KYAT3: variants seen among roughly 807,000 people sequenced by gnomAD.
KYAT3 encodes kynurenine aminotransferase 3, also known as kynurenine--oxoglutarate transaminase 3.
In KYAT3, 50 loss-of-function variants were observed where a neutral mutation model predicts 59.0. The ratio of observed to expected loss-of-function variants is 0.85; its 90% confidence interval spans 0.68 to 1.07. The LOEUF (loss-of-function observed/expected upper bound fraction) is 1.07. Ranked by LOEUF, KYAT3 falls within the 50% of genes least tolerant of loss-of-function variation. KYAT3 has a pLI of 0.00. For missense variants in KYAT3, 497 were observed against 533.3 expected, an observed-to-expected ratio of 0.93 and a Z score of 0.67; for synonymous variants, 148 against 177.0, an observed-to-expected ratio of 0.84 and a Z score of 1.30.
chr1:88,965,452 G>A (rs549446103), intron 4 of KYAT3, among the ~76,000 whole-genome samples: 4 of 152,102 alleles, frequency 2.6e-5, no homozygotes, highest in African/African-American at 9.7e-5. Flanking sequence ...CCAACGACAC[G>A]AACACTAGTG....
intron 2 of KYAT3, among the ~76,000 whole-genome samples, chr1:88,970,468 T>C (rs531179103): frequency 6.6e-6 from 1 of 152,312 alleles, no homozygotes; most frequent in South Asian, 2.1e-4. Context: ...ACTCAGGATC[T>C]GAACCCAGAC....
At chr1:88,951,241 T>C (rs1327207795) in intron 10 of KYAT3, among the ~76,000 whole-genome samples, 1 of 148,142 alleles carries the variant, frequency 6.8e-6, no homozygotes, top group East Asian at 2.0e-4. Context: ...TTTCTTTTCT[T>C]TTTTTTTTTT....
rs778270225 is a variant in KYAT3 at position 88,962,046 on chromosome 1, C to A, written c.540+13G>T. On this transcript the variant is annotated intron_variant, in intron 6 of 13. Transcript: ENST00000260508. ...TTGAAACTTTGCCATATGAACCATA[C>A]TGGCAAACTTACAGATCTCAGGGGA... The A allele has an allele frequency of 1.3e-6, 2 of 1,597,650 alleles. No individual in the cohort carries two copies. The highest frequency in any genetic ancestry group is 1.7e-5 in the Admixed American group (1 of 59,988).
At chr1:88,991,142 A>G (rs1259601354) in intron 1 of KYAT3, among the ~76,000 whole-genome samples, 3 of 152,218 alleles carry the variant, frequency 2.0e-5, no homozygotes, top group Non-Finnish European at 4.4e-5. Context: ...TTTAAAATGA[A>G]GATTCAGAAA....
At chr1:88,975,586 A>G (rs924510423) in intron 2 of KYAT3, among the ~76,000 whole-genome samples, 8 of 152,400 alleles carry the variant, frequency 5.2e-5, no homozygotes, top group Admixed American at 3.9e-4. Context: ...AATATCCTCA[A>G]TATTATAGTC....
chr1:88,986,756 C>T (rs1677480723), intron 2 of KYAT3, among the ~76,000 whole-genome samples: 1 of 152,118 alleles, frequency 6.6e-6, no homozygotes. Flanking sequence ...AACGAATATT[C>T]TAAGTAAGTT....
At chr1:88,922,827 C>A in the KYAT3 span, among the ~76,000 whole-genome samples, 3 of 152,182 alleles carry the variant, frequency 2.0e-5, no homozygotes, top group Non-Finnish European at 4.4e-5. Context: ...ATTTAGCAAA[C>A]CTAATCCCAT....
At position 88,949,248 on chromosome 1, in the gene KYAT3, G is replaced by A. The variant is rs201306819; in HGVS notation, c.984C>T (p.Asp328=). 4 of 1,573,152 alleles carry A rather than the reference G, an allele frequency of 2.5e-6. No individual in the cohort carries two copies. In the East Asian group the frequency reaches 9.3e-5, roughly 36 times the overall value. ...QEALAQAFWI[D]IKRMDDPECY... is the part of the protein sequence containing the mutation. ...ATTCTGGGTCATCCATGCGCTTGAT[G>A]TCAATCCAGAAAGCTTGAGCCAAGG... is the stretch of plus-strand genomic sequence containing the variant. The change falls in exon 11 of 14, where the codon GAC becomes GAT. Residue 328 remains aspartate, a synonymous_variant. Transcript: ENST00000260508.
chr1:88,971,165 A>G (rs1250081578), intron 2 of KYAT3, among the ~76,000 whole-genome samples: 1 of 152,230 alleles, frequency 6.6e-6, no homozygotes, highest in Admixed American at 6.5e-5. Context: ...CCACAAACAC[A>G]AAGGATGATT....
chr1:88,926,586 G>A, the KYAT3 span, among the ~76,000 whole-genome samples: 3 of 152,220 alleles, frequency 2.0e-5, no homozygotes, highest in Non-Finnish European at 4.4e-5. Flanking sequence ...AAAGTGCTAG[G>A]ATTACAGATG....
At chr1:88,987,385 C>A (rs1354871976) in intron 2 of KYAT3, among the ~76,000 whole-genome samples, 2 of 152,044 alleles carry the variant, frequency 1.3e-5, no homozygotes, top group Non-Finnish European at 2.9e-5. Flanking sequence ...AGGTAGAATT[C>A]ATAAGATTTA....
At chr1:88,925,066 T>A in the KYAT3 span, among the ~76,000 whole-genome samples, 1 of 152,088 alleles carries the variant, frequency 6.6e-6, no homozygotes, top group Non-Finnish European at 1.5e-5. Flanking sequence ...AAGCGGTGAG[T>A]AATATTAGAC....
Position 88,943,429 on chromosome 1 carries a change from A to G in KYAT3, c.1142-6T>C. The stretch of plus-strand genomic sequence containing the variant: ...CATATCAGAGAGGTCTGGATCTAAA[A>G]CCACAATGAAAATTAGGTGGCCTAT... On this transcript the variant is annotated splice_polypyrimidine_tract_variant and splice_region_variant and intron_variant, in intron 11 of 13. Transcript: ENST00000260508. The G allele has an allele frequency of 6.6e-7, 1 of 1,512,878 alleles. No homozygotes were observed. Among genetic ancestry groups the G allele is most frequent in the Non-Finnish European group, 9.0e-7 (1 of 1,114,648 alleles). 93.7% of individuals were successfully genotyped at this position (1,512,878 alleles called of 1,614,324 possible). A position where few individuals can be genotyped will look rare whatever the true frequency, so the allele number is the denominator to read the frequency against.
At chr1:88,977,876 A>C (rs755555987) in intron 2 of KYAT3, among the ~76,000 whole-genome samples, 5 of 152,146 alleles carry the variant, frequency 3.3e-5, no homozygotes, top group Non-Finnish European at 7.3e-5. Context: ...ATTATGTTAC[A>C]GTTGCCTGTA....
intron 13 of KYAT3, among the ~76,000 whole-genome samples, chr1:88,938,736 A>G (rs1675127970): frequency 1.3e-5 from 2 of 152,242 alleles, no homozygotes; most frequent in Admixed American, 1.3e-4. Context: ...TTATGGCTGC[A>G]TAGTAGTCCA....
At chr1:88,969,791 C>T (rs1676482843) in intron 2 of KYAT3, among the ~76,000 whole-genome samples, 1 of 152,044 alleles carries the variant, frequency 6.6e-6, no homozygotes, top group African/African-American at 2.4e-5. Context: ...ATAGGCATAT[C>T]CTACTGTGCC....
intron 11 of KYAT3, 39 bp from the exon 12 acceptor site, chr1:88,943,462 A>G: frequency 1.0e-6 from 1 of 969,812 alleles, no homozygotes. Flanking sequence ...TATGAATTTC[A>G]TCTGATGCAA....
At chr1:88,980,417 A>C (rs1287287394) in intron 2 of KYAT3, 4 of 147,326 alleles carry the variant, frequency 2.7e-5, no homozygotes, top group Non-Finnish European at 5.9e-5. Context: ...TATCTCATAG[A>C]TTTTGGATTT....
chr1:88,984,015 G>T (rs774021358), intron 2 of KYAT3: 4 of 642,608 alleles, frequency 6.2e-6, no homozygotes, highest in Non-Finnish European at 1.1e-5. Context: ...AAAAAACCAG[G>T]AAAATTACTT....
Sources: allele counts gnomAD v4.1 joint callset (sites outside exome capture counted in the v4.1 genomes callset), GRCh38; gene constraint gnomAD v4.1.1; transcripts MANE v1.5; gene names NCBI Gene and HGNC (gene_info 2026-07-23, HGNC 2026-07-21).